The following MYO3A variants were observed in gnomAD, a reference collection of about 807,000 sequenced individuals.
The protein encoded by MYO3A is myosin IIIA, also known as myosin-IIIa.
In MYO3A, 180 loss-of-function variants were observed where a neutral mutation model predicts 192.7. The ratio of observed to expected loss-of-function variants is 0.93; its 90% CI spans 0.83 to 1.06. The LOEUF is 1.06. Ranked by LOEUF, MYO3A falls within the 50% of genes least tolerant of loss-of-function variation. The pLI is 0.00. For missense variants in MYO3A, 1,896 were observed against 1,905.0 expected (o/e 1.00, Z 0.09); for synonymous variants, 628 against 645.3 (o/e 0.97, Z 0.41).
chr10:26,016,033 G>T (rs7917199), intron 6 of MYO3A, among the ~76,000 whole-genome samples: 14,269 of 152,042 alleles, frequency 0.094, 1,157 homozygotes, highest in African/African-American at 0.21. Flanking sequence ...AGAGCAAGGT[G>T]AAGGGTAGGA....
At chr10:26,047,121 C>T (rs1164762466) in intron 10 of MYO3A, among the ~76,000 whole-genome samples, 1 of 152,046 alleles carries the variant, frequency 6.6e-6, no homozygotes, top group Non-Finnish European at 1.5e-5. Context: ...TGTACATTTT[C>T]TTGTAATTTT....
rs370877045 is a variant in MYO3A at position 26,173,723 on chromosome 10, A to C, written c.3459A>C (p.Ser1153=). The change falls in exon 30 of 35, where the codon TCA becomes TCC. Residue 1153 remains serine (S), a synonymous_variant. Coordinates refer to ENST00000642920, the MANE Select transcript of MYO3A (RefSeq NM_017433.5). ...TCTCTGCTAATGAAAGATTCATTTC[A>C]GCTCCAAATAATAAAGGAAGTGTAT... ...NAISANERFI[S]APNNKGSVSV... is the part of the protein sequence containing the mutation. 11 of 1,613,894 alleles carry C rather than the reference A, an allele frequency of 6.8e-6. No individual in the cohort carries two copies. The highest frequency in any genetic ancestry group is 8.5e-6 in the Non-Finnish European group (10 of 1,179,938).
chr10:25,979,737 G>A (rs1482700210), intron 4 of MYO3A, among the ~76,000 whole-genome samples: 1 of 152,082 alleles, frequency 6.6e-6, no homozygotes, highest in Non-Finnish European at 1.5e-5. Flanking sequence ...CCTCTAATGA[G>A]GGGCTTTTTC....
At chr10:25,938,902 AGGTG>A (rs1836293861) in intron 2 of MYO3A, among the ~76,000 whole-genome samples, 3 of 152,198 alleles carry the variant, frequency 2.0e-5, no homozygotes, top group Admixed American at 2.0e-4. Context: ...GTTATTACTA[AGGTG>A]GGTTTCTAGC....
At chr10:26,104,284 T>C (rs1466235719) in intron 17 of MYO3A, among the ~76,000 whole-genome samples, 1 of 152,164 alleles carries the variant, frequency 6.6e-6, no homozygotes. Context: ...GTCACAAAGA[T>C]TTATGCCTAA....
intron 34 of MYO3A, among the ~76,000 whole-genome samples, chr10:26,209,094 CCTT>C (rs1478788896): frequency 6.6e-6 from 1 of 152,206 alleles, no homozygotes; most frequent in African/African-American, 2.4e-5. Context: ...CAGCTGACAA[CCTT>C]CTTTTATAAC....
chr10:26,033,525 G>A (rs965566122), intron 10 of MYO3A, among the ~76,000 whole-genome samples: 2 of 152,062 alleles, frequency 1.3e-5, no homozygotes, highest in Admixed American at 1.3e-4. Flanking sequence ...AACACCAATT[G>A]TGCTATAATC....
intron 17 of MYO3A, among the ~76,000 whole-genome samples, chr10:26,097,595 T>G (rs889383071): frequency 5.2e-4 from 79 of 152,130 alleles, no homozygotes; most frequent in African/African-American, 1.8e-3. Context: ...GTCCAAGTCT[T>G]CTCATTGTTC....
At chr10:25,953,809 C>A (rs185989473) in intron 3 of MYO3A, among the ~76,000 whole-genome samples, 322 of 152,168 alleles carry the variant, frequency 2.1e-3, no homozygotes, top group African/African-American at 7.2e-3. Context: ...CTTTTGCTTT[C>A]ATTCTTGTCA....
chr10:26,106,941 T>G (rs1225303051), intron 17 of MYO3A, among the ~76,000 whole-genome samples: 2 of 152,186 alleles, frequency 1.3e-5, no homozygotes, highest in Non-Finnish European at 2.9e-5. Flanking sequence ...TTTTTTCTTT[T>G]ATATCAGATT....
chr10:26,062,272 GC>G (rs1834531329), intron 10 of MYO3A, among the ~76,000 whole-genome samples: 1 of 151,666 alleles, frequency 6.6e-6, no homozygotes. Flanking sequence ...TGTAATCCCA[GC>G]ATTTTGGGAG....
chr10:26,028,852 T>C (rs1017939487), intron 10 of MYO3A, among the ~76,000 whole-genome samples: 6 of 152,178 alleles, frequency 3.9e-5, no homozygotes, highest in African/African-American at 1.4e-4. Flanking sequence ...GTGTCCACAC[T>C]TGGCTTGCCT....
At chr10:26,097,367 AAAGT>A (rs1234690444) in intron 17 of MYO3A, among the ~76,000 whole-genome samples, 1 of 151,900 alleles carries the variant, frequency 6.6e-6, no homozygotes, top group Admixed American at 6.6e-5. Context: ...ATTTTTTTTT[AAAGT>A]AAGTTCTTTA....
intron 4 of MYO3A, among the ~76,000 whole-genome samples, chr10:25,988,939 CT>C (rs56308717): frequency 0.046 from 5,403 of 117,010 alleles, 87 homozygotes; most frequent in Middle Eastern, 0.06. Flanking sequence ...CCCTAAAACT[CT>C]TTTTTTTTTT....
chr10:26,189,306 C>T (rs1031620152), intron 31 of MYO3A, among the ~76,000 whole-genome samples: 5 of 152,188 alleles, frequency 3.3e-5, no homozygotes, highest in African/African-American at 1.2e-4. Flanking sequence ...TCTCCAAATA[C>T]AGTCACATTC....
chr10:26,067,085 C>T lies in MYO3A; in HGVS notation c.1053+11C>T, dbSNP rs3824698. The stretch of plus-strand genomic sequence containing the variant: ...GAAATTTTGGATGAGGTAAGAATTT[C>T]AGTTTAATTAAACTTAGACATTCCA... On this transcript the variant is annotated intron_variant, in intron 11 of 34. Coordinates refer to ENST00000642920, the MANE Select transcript of MYO3A (RefSeq NM_017433.5). 0.52 allele frequency: 807,760 copies of T among 1,550,540 alleles called. 215,466 individuals are homozygous for T. The highest frequency in any genetic ancestry group is 0.56 in the Middle Eastern group (3,304 of 5,918).
intron 32 of MYO3A, among the ~76,000 whole-genome samples, chr10:26,199,420 G>A (rs1843575174): frequency 6.6e-6 from 1 of 151,648 alleles, no homozygotes; most frequent in African/African-American, 2.4e-5. Context: ...GGGCACGATG[G>A]GTCATGACTA....
intron 4 of MYO3A, among the ~76,000 whole-genome samples, chr10:25,970,989 A>G (rs1033554488): frequency 6.6e-6 from 1 of 152,106 alleles, no homozygotes; most frequent in Non-Finnish European, 1.5e-5. Context: ...TCAAATATTT[A>G]TACTAACTTA....
At chr10:26,075,176 G>C (rs1277910923) in intron 14 of MYO3A, among the ~76,000 whole-genome samples, 1 of 151,910 alleles carries the variant, frequency 6.6e-6, no homozygotes, top group African/African-American at 2.4e-5. Context: ...AGGAAGTAAT[G>C]ATGGCTCTAA....
Sources: allele counts gnomAD v4.1 joint callset (sites outside exome capture counted in the v4.1 genomes callset), GRCh38; gene constraint gnomAD v4.1.1; transcripts MANE v1.5; gene names NCBI Gene and HGNC (gene_info 2026-07-23, HGNC 2026-07-21).